ASIC5: variants seen among roughly 807,000 people sequenced by gnomAD.
ASIC5 encodes the protein acid sensing ion channel subunit family member 5, also known as bile acid-sensitive ion channel.
Under a neutral mutation model 51.2 loss-of-function variants are expected in ASIC5, and 52 were observed. The observed-to-expected ratio is 1.02, with a 90% CI of 0.81 to 1.28. The LOEUF is 1.28. Ranked by LOEUF, ASIC5 falls within the 50% of genes most tolerant of loss-of-function variation. The pLI is 0.00. For missense variants in ASIC5, 635 were observed against 595.0 expected, an observed-to-expected ratio of 1.07 and a Z score of -0.70; for synonymous variants, 231 against 200.7, an observed-to-expected ratio of 1.15 and a Z score of -1.28.
intron 4 of ASIC5, among the ~76,000 whole-genome samples, chr4:155,846,226 C>T (rs1192479490): frequency 6.6e-6 from 1 of 151,994 alleles, no homozygotes; most frequent in Non-Finnish European, 1.5e-5. Flanking sequence ...TTAAGAATTG[C>T]CAGCATACTT....
At chr4:155,843,368 T>A (rs540591061) in intron 5 of ASIC5, among the ~76,000 whole-genome samples, 1 of 152,166 alleles carries the variant, frequency 6.6e-6, no homozygotes, top group South Asian at 2.1e-4. Flanking sequence ...TCCCACTAAT[T>A]TTCTCCTTCC....
At chr4:155,844,013 G>A (rs72956413) in intron 4 of ASIC5, among the ~76,000 whole-genome samples, 183 bp from the exon 5 acceptor site, 5,220 of 152,068 alleles carry the variant, frequency 0.034, 201 homozygotes, top group South Asian at 0.1. Flanking sequence ...TGGTTGAATC[G>A]GTGAAAGGAA....
In ASIC5 at chr4:155,843,700, A is replaced by C; in HGVS notation, c.842T>G (p.Val281Gly). 6.2e-7 allele frequency: 1 copy of C among 1,613,436 alleles called. No homozygotes were observed. Among genetic ancestry groups the C allele is most frequent in the African/African-American group, 1.3e-5 (1 of 74,972 alleles). The change falls in exon 5 of 10, where the codon GTA becomes GGA. Residue 281 changes from valine to glycine, a missense_variant. Coordinates refer to ENST00000537611, the MANE Select transcript of ASIC5 (RefSeq NM_017419.3). ...LLSPVGMHAR[V>G]TIRQVKTVHQ... ...ATTTACCTTCACTTGGCGGATGGTT[A>C]CCCTTGCGTGCATTCCCACAGGTGA...
chr4:155,845,019 T>A (rs1741208639), intron 4 of ASIC5, among the ~76,000 whole-genome samples: 2 of 151,830 alleles, frequency 1.3e-5, no homozygotes, highest in South Asian at 4.2e-4. Flanking sequence ...GTGTCCCAAC[T>A]TGGTCAAATC....
At chr4:155,848,850 C>G (rs1019254473) in intron 4 of ASIC5, among the ~76,000 whole-genome samples, 1 of 152,024 alleles carries the variant, frequency 6.6e-6, no homozygotes, top group Non-Finnish European at 1.5e-5. Flanking sequence ...TTACTTTTTA[C>G]TTAAAATGTT....
At chr4:155,837,318 C>G (rs965533261) in intron 7 of ASIC5, among the ~76,000 whole-genome samples, 1 of 152,118 alleles carries the variant, frequency 6.6e-6, no homozygotes, top group Non-Finnish European at 1.5e-5. Context: ...GAAATGTGCT[C>G]CTGAGTATTT....
chr4:155,843,895 G>T, intron 4 of ASIC5, 65 bp from the exon 5 acceptor site: 1 of 1,497,406 alleles, frequency 6.7e-7, no homozygotes. Flanking sequence ...ACAAGTTTAG[G>T]ATTTAGTTTT....
At chr4:155,857,050 G>A (rs545455728) in intron 2 of ASIC5, among the ~76,000 whole-genome samples, 1 of 152,030 alleles carries the variant, frequency 6.6e-6, no homozygotes, top group Admixed American at 6.6e-5. Flanking sequence ...ACAATATTAA[G>A]CCAAGGAAGA....
rs6858008 is a variant in ASIC5, at chr4:155,848,573, T to C, written c.711+3618A>G. 4.4e-3 allele frequency among the ~76,000 whole-genome samples: 672 copies of C among 152,174 alleles called. 4 individuals carry two copies. Among genetic ancestry groups the C allele is most frequent in the African/African-American group, 0.016 (647 of 41,546 alleles). On this transcript the variant is annotated intron_variant, in intron 4 of 9. Transcript: ENST00000537611. ...ATTGTGTACCACTGAGGTAACAAAT[T>C]TCCTTGTCAATTGTGTCTTTGACTA...
Position 155,844,037 on chromosome 4 carries a change from C to T in ASIC5, c.712-207G>A, listed in dbSNP as rs74330896. On this transcript the variant is annotated intron_variant, in intron 4 of 9. Transcript: ENST00000537611. ...CGGTGAAAGGAAACTATCTTGGGTC[C>T]CTTCAAGGTGGGGTCTACTCAGGAC... Among the ~76,000 whole-genome samples the T allele has an allele frequency of 8.2e-4, 124 of 152,034 alleles. 2 individuals carry two copies. The East Asian group carries it at 0.023, about 28-fold the overall frequency.
At chr4:155,837,031 A>G (rs548450295) in intron 7 of ASIC5, among the ~76,000 whole-genome samples, 174 bp from the exon 8 acceptor site, 4 of 152,322 alleles carry the variant, frequency 2.6e-5, no homozygotes, top group Admixed American at 2.0e-4. Flanking sequence ...GAGGAGATAC[A>G]ATATAAGGCC....
chr4:155,836,637 G>A (rs201074252), intron 8 of ASIC5, 52 bp downstream of exon 8: 5 of 1,048,760 alleles, frequency 4.8e-6, no homozygotes, highest in Admixed American at 2.6e-5. Flanking sequence ...TTTCAATAAA[G>A]AAAAAAAAAT....
chr4:155,848,583 A>G (rs1420228436), intron 4 of ASIC5, among the ~76,000 whole-genome samples: 1 of 152,014 alleles, frequency 6.6e-6, no homozygotes, highest in Non-Finnish European at 1.5e-5. Flanking sequence ...TTCCTTGTCA[A>G]TTGTGTCTTT....
chr4:155,845,942 A>C (rs1741232937), intron 4 of ASIC5, among the ~76,000 whole-genome samples: 1 of 151,978 alleles, frequency 6.6e-6, no homozygotes, highest in South Asian at 2.1e-4. Flanking sequence ...AAAATAATAA[A>C]AGGGTCTTTA....
rs766433726 is a variant in ASIC5, at chr4:155,843,755, C to A, written c.787G>T (p.Val263Leu). 1.6e-5 allele frequency: 26 copies of A among 1,613,598 alleles called. No homozygotes were observed. Among genetic ancestry groups the A allele is most frequent in the Middle Eastern group, 3.3e-4 (2 of 6,080 alleles). The change falls in exon 5 of 10, where the codon GTG (valine) becomes TTG (leucine). Residue 263 changes from valine to leucine, a missense_variant. Physicochemically the swap from Val to Leu is conservative, Grantham distance 32. Coordinates refer to ENST00000537611, the MANE Select transcript of ASIC5 (RefSeq NM_017419.3). Reference protein sequence around the residue: ...IIFVIHSPKKVPQFDGLGLLS... With the variant: ...IIFVIHSPKKLPQFDGLGLLS... ...AAGCCTAACCCATCAAACTGTGGCA[C>A]CTTCTTTGGTGAATGGATAACAAAG...
chr4:155,832,339 A>C (rs1740888415), intron 8 of ASIC5, among the ~76,000 whole-genome samples: 1 of 152,196 alleles, frequency 6.6e-6, no homozygotes, highest in African/African-American at 2.4e-5. Flanking sequence ...ACAGAGTTGC[A>C]GTGAGGCAAA....
chr4:155,847,694 C>T (rs1418982613), intron 4 of ASIC5, among the ~76,000 whole-genome samples: 1 of 151,850 alleles, frequency 6.6e-6, no homozygotes, highest in Non-Finnish European at 1.5e-5. Context: ...TGCACTCCAG[C>T]TTAGGTGACA....
chr4:155,850,179 C>A (rs1457640895), intron 4 of ASIC5, among the ~76,000 whole-genome samples: 2 of 151,772 alleles, frequency 1.3e-5, no homozygotes, highest in African/African-American at 4.8e-5. Flanking sequence ...TGGGAGCTGC[C>A]TCCCATTCTA....
intron 6 of ASIC5, among the ~76,000 whole-genome samples, chr4:155,841,835 G>T (rs747693727): frequency 2.6e-5 from 4 of 152,104 alleles, no homozygotes; most frequent in Admixed American, 1.3e-4. Context: ...TGTAAAATTT[G>T]TCAGTCGAAG....
Sources: gnomAD v4.1 joint callset for allele counts (sites outside exome capture counted in the v4.1 genomes callset) on GRCh38, gnomAD v4.1.1 for gene constraint, MANE v1.5 for transcripts, NCBI Gene and HGNC (gene_info 2026-07-23, HGNC 2026-07-21) for gene names.